The following ZNF652 variants were observed in gnomAD, a reference collection of about 807,000 sequenced individuals.
ZNF652 encodes the protein zinc finger protein 652.
Under a neutral mutation model 45.2 loss-of-function variants are expected in ZNF652, and 16 were observed. The observed-to-expected ratio is 0.35, with a 90% CI of 0.24 to 0.54. The LOEUF is 0.54. Among genes scored for constraint, ZNF652 ranks in the 20% least tolerant of loss-of-function variants. The pLI, the probability that ZNF652 is intolerant of heterozygous loss-of-function variation, is 0.91. For missense variants in ZNF652, 614 were observed against 765.6 expected, an observed-to-expected ratio of 0.80 and a Z score of 2.34; for synonymous variants, 250 against 260.6, an observed-to-expected ratio of 0.96 and a Z score of 0.39.
At position 49,291,095 on chromosome 17, in the gene ZNF652, T is replaced by C. The variant is rs960564615; in HGVS notation, c.*7318A>G. On this transcript the variant is annotated 3_prime_UTR_variant, in exon 6 of 6. Transcript: ENST00000430262. ...CACCAAAATTATGTCACACTGTTTC[T>C]TTTTAAACTAATGAATTGAATTAAT... is the stretch of plus-strand genomic sequence containing the variant. 5 of 152,368 alleles carry C rather than the reference T, an allele frequency of 3.3e-5. No individual in the cohort carries two copies. The highest frequency in any genetic ancestry group is 7.3e-5 in the Non-Finnish European group (5 of 68,030). The allele number at this position is 152,368 out of a possible 1,614,324, so 9.4% of individuals were successfully genotyped here.
chr17:49,357,190 T>C (rs756416935), intron 1 of ZNF652, among the ~76,000 whole-genome samples: 1 of 151,930 alleles, frequency 6.6e-6, no homozygotes, highest in Non-Finnish European at 1.5e-5. Context: ...TCCCAGCTAC[T>C]TGGGAGGCTG....
intron 1 of ZNF652, among the ~76,000 whole-genome samples, chr17:49,357,611 C>T (rs1282110220): frequency 6.6e-6 from 1 of 152,110 alleles, no homozygotes; most frequent in East Asian, 1.9e-4. Flanking sequence ...CTAAAATAAG[C>T]AACTGATATT....
intron 2 of ZNF652, among the ~76,000 whole-genome samples, chr17:49,315,060 A>G: frequency 2.5e-5 from 2 of 81,546 alleles, no homozygotes; most frequent in South Asian, 4.6e-4. Flanking sequence ...TTTTTTTTTG[A>G]GACGGAGCTT....
intron 1 of ZNF652, among the ~76,000 whole-genome samples, chr17:49,337,361 A>G (rs898277392): frequency 1.3e-5 from 2 of 151,426 alleles, no homozygotes; most frequent in African/African-American, 4.8e-5. Context: ...AAAAGAAAAA[A>G]GAAAAATTAA....
At chr17:49,316,693 C>CT in intron 2 of ZNF652, 133 bp downstream of exon 2, 1 of 990,146 alleles carries the variant, frequency 1.0e-6, no homozygotes, top group Non-Finnish European at 1.5e-6. Flanking sequence ...AAAGCAGGAG[C>CT]TTTTCAAATG....
intron 5 of ZNF652, among the ~76,000 whole-genome samples, chr17:49,308,737 G>T (rs1476971158): frequency 1.3e-5 from 2 of 151,880 alleles, no homozygotes; most frequent in Admixed American, 6.6e-5. Flanking sequence ...GGGAGGTGGA[G>T]GTTGCAATGA....
chr17:49,322,013 T>C (rs537653822), intron 1 of ZNF652, among the ~76,000 whole-genome samples: 1 of 152,304 alleles, frequency 6.6e-6, no homozygotes, highest in South Asian at 2.1e-4. Flanking sequence ...AACAGGCAAG[T>C]GCTTAATGTA....
chr17:49,345,148 C>T (rs35073649), intron 1 of ZNF652, among the ~76,000 whole-genome samples: 55,728 of 151,358 alleles, frequency 0.37, 10,503 homozygotes, highest in Non-Finnish European at 0.38. Flanking sequence ...AGATGACTGG[C>T]GACTTTTTGG....
intron 1 of ZNF652, among the ~76,000 whole-genome samples, chr17:49,322,067 T>A (rs557630461): frequency 6.6e-6 from 1 of 152,220 alleles, no homozygotes; most frequent in Non-Finnish European, 1.5e-5. Context: ...TAATTCAGTC[T>A]TGAGGCAAGG....
intron 1 of ZNF652, among the ~76,000 whole-genome samples, chr17:49,348,489 G>GAAAAGAAAAGAAAAGAAAAGAA (rs1555552467): frequency 0.029 from 1,108 of 38,848 alleles, 40 homozygotes; most frequent in East Asian, 0.11. Flanking sequence ...AAAAAGAAAA[G>GAAAAGAAAAGAAAAGAAAAGAA]AAAAGAAAAG....
Position 49,312,797 on chromosome 17 carries a change from G to A in ZNF652, c.949C>T (p.His317Tyr), listed in dbSNP as rs769378681. 1 of 1,614,116 alleles carries A rather than the reference G, an allele frequency of 6.2e-7. No homozygotes were observed. The highest frequency in any genetic ancestry group is 1.7e-5 in the Admixed American group (1 of 60,012). The change falls in exon 3 of 6, where the codon CAT (histidine) becomes TAT (tyrosine). Residue 317 changes from histidine (H) to tyrosine (Y), a missense_variant. This residue lies in a region of ZNF652 where 262 missense variants were observed against 306.3 expected (regional missense o/e 0.86). Transcript: ENST00000430262. ...SFKKLWSLHE[H>Y]IKIVHGYAEK... is the part of the protein sequence containing the mutation. ...GCATATCCATGGACGATCTTGATAT[G>A]TTCATGAAGGGACCAGAGTTTCTTG...
At chr17:49,299,038 A>C in intron 5 of ZNF652, 114 bp from the exon 6 acceptor site, 1 of 1,161,626 alleles carries the variant, frequency 8.6e-7, no homozygotes, top group Non-Finnish European at 1.2e-6. Flanking sequence ...CTGGTCTCGA[A>C]CTCCTGGCCT....
chr17:49,288,139 C>T (rs527352696), downstream of ZNF652, among the ~76,000 whole-genome samples: 65 of 149,592 alleles, frequency 4.3e-4, no homozygotes, highest in Non-Finnish European at 7.1e-4. Context: ...ACCTTTTATT[C>T]ACTTATATAA....
At chr17:49,331,271 G>A (rs562597242) in intron 1 of ZNF652, among the ~76,000 whole-genome samples, 21 of 151,744 alleles carry the variant, frequency 1.4e-4, no homozygotes, top group African/African-American at 3.9e-4. Flanking sequence ...ACAGGTGCCC[G>A]CTACCACGCC....
rs1020425535 is a variant in ZNF652 at position 49,290,002 on chromosome 17, G to C, written c.*8411C>G. The C allele has an allele frequency of 1.3e-5, 2 of 152,232 alleles. No individual in the cohort carries two copies. Among genetic ancestry groups the C allele is most frequent in the African/African-American group, 2.4e-5 (1 of 41,450 alleles). The allele number at this position is 152,232 out of a possible 1,614,324, so 9.4% of individuals were successfully genotyped here. On this transcript the variant is annotated 3_prime_UTR_variant, in exon 6 of 6. Transcript: ENST00000430262. ...TTAAGAAATGAGGAAAAGTGCAAGT[G>C]ATCTCAGTACTGTTGGGGAAAACAA...
At chr17:49,299,148 C>T (rs941353450) in intron 5 of ZNF652, among the ~76,000 whole-genome samples, 1 of 151,556 alleles carries the variant, frequency 6.6e-6, no homozygotes, top group African/African-American at 2.4e-5. Context: ...ATTTAAAAAT[C>T]CTCTCAAATT....
chr17:49,319,808 A>G (rs914583730), intron 1 of ZNF652, among the ~76,000 whole-genome samples: 3 of 152,010 alleles, frequency 2.0e-5, no homozygotes, highest in African/African-American at 7.2e-5. Flanking sequence ...CACCTGGCTA[A>G]TTTTCAAAAA....
chr17:49,347,580 T>C (rs1429109782), intron 1 of ZNF652, among the ~76,000 whole-genome samples: 1 of 151,396 alleles, frequency 6.6e-6, no homozygotes, highest in Non-Finnish European at 1.5e-5. Context: ...ATATATAAAA[T>C]TTGCAACCCC....
chr17:49,322,099 T>C (rs2143820977), intron 1 of ZNF652, among the ~76,000 whole-genome samples: 1 of 152,342 alleles, frequency 6.6e-6, no homozygotes, highest in African/African-American at 2.4e-5. Context: ...TATTTGGCTT[T>C]CACAATCACT....
Sources: allele counts gnomAD v4.1 joint callset (sites outside exome capture counted in the v4.1 genomes callset), GRCh38; gene constraint gnomAD v4.1.1; regional missense constraint gnomAD v4.1.1; transcripts MANE v1.5; gene names NCBI Gene and HGNC (gene_info 2026-07-23, HGNC 2026-07-21).